The following TMEM132C variants were observed in gnomAD, a reference collection of about 807,000 sequenced individuals.
The protein encoded by TMEM132C is transmembrane protein 132C.
Under a neutral mutation model 61.4 loss-of-function variants are expected in TMEM132C, and 29 were observed. The ratio of observed to expected loss-of-function variants is 0.47; its 90% confidence interval spans 0.35 to 0.64. TMEM132C has a LOEUF of 0.64. Among genes scored for constraint, TMEM132C ranks in the 30% least tolerant of loss-of-function variants. The probability of loss-of-function intolerance (pLI) is 0.00; values close to 1 mark genes in which losing one functional copy is unlikely to be tolerated. For missense variants in TMEM132C, 1,408 were observed against 1,476.9 expected, an observed-to-expected ratio of 0.95 and a Z score of 0.76; for synonymous variants, 656 against 633.1, an observed-to-expected ratio of 1.04 and a Z score of -0.54.
chr12:128,374,360 T>C (rs1194561912), intron 1 of TMEM132C, among the ~76,000 whole-genome samples: 3 of 152,162 alleles, frequency 2.0e-5, no homozygotes, highest in African/African-American at 7.2e-5. Flanking sequence ...TTGCGCTTTG[T>C]TGTCTGGGCG....
At chr12:128,605,456 A>C (rs1721169159) in intron 3 of TMEM132C, among the ~76,000 whole-genome samples, 1 of 152,120 alleles carries the variant, frequency 6.6e-6, no homozygotes, top group Non-Finnish European at 1.5e-5. Context: ...CACTCAGCTG[A>C]GGTGTTAATT....
chr12:128,330,626 T>C (rs1008142518), intron 1 of TMEM132C, among the ~76,000 whole-genome samples: 1 of 152,250 alleles, frequency 6.6e-6, no homozygotes, highest in African/African-American at 2.4e-5. Context: ...ATTTTATAGA[T>C]CATCTTCTGA....
intron 2 of TMEM132C, among the ~76,000 whole-genome samples, chr12:128,540,620 T>C (rs1679519989): frequency 6.6e-6 from 1 of 152,124 alleles, no homozygotes; most frequent in Admixed American, 6.5e-5. Context: ...GTTGCTGCCC[T>C]CCCCTCCCTG....
rs72149112 is a variant in TMEM132C at position 128,271,267 on chromosome 12, TATAATAATAATAATA to T, written c.85+3806_85+3820del. Among the ~76,000 whole-genome samples the T allele has an allele frequency of 8.2e-3, 1,170 of 143,026 alleles. 10 individuals are homozygous for T. Among genetic ancestry groups the T allele is most frequent in the African/African-American group, 0.016 (609 of 39,282 alleles). 93.8% of individuals were successfully genotyped at this position (143,026 alleles called of 152,430 possible). On this transcript the variant is annotated intron_variant, in intron 1 of 8. Transcript: ENST00000435159. ...AGACTTGGTCTCAAAATAATAATAATATAATAATAATAATAATAATAATAATAATAATAATAATAA... is the reference window on the plus strand; with the variant it reads ...AGACTTGGTCTCAAAATAATAATAATATAATAATAATAATAATAATAATAA...
chr12:128,624,521 G>A (rs374859021), intron 4 of TMEM132C, among the ~76,000 whole-genome samples: 1 of 141,732 alleles, frequency 7.1e-6, no homozygotes, highest in African/African-American at 2.7e-5. Flanking sequence ...TCCAACCTGG[G>A]TGATAGAGTG....
At chr12:128,434,109 T>C (rs934368817) in intron 2 of TMEM132C, among the ~76,000 whole-genome samples, 1 of 152,152 alleles carries the variant, frequency 6.6e-6, no homozygotes, top group Non-Finnish European at 1.5e-5. Context: ...ATGTGGCTGC[T>C]CTCCTAGGGT....
At chr12:128,705,026 G>C in intron 8 of TMEM132C, 64 bp from the exon 9 acceptor site, 1 of 1,455,802 alleles carries the variant, frequency 6.9e-7, no homozygotes, top group Non-Finnish European at 9.1e-7. Context: ...CGTCCTCCTA[G>C]GAGGGGGTTT....
rs1227483814 is a variant in TMEM132C, at chr12:128,378,104, G to A, written c.86-36628G>A. Among the ~76,000 whole-genome samples the A allele has an allele frequency of 3.4e-5, 4 of 116,424 alleles. No individual in the cohort carries two copies. In the East Asian group the frequency reaches 7.0e-4, roughly 20 times the overall value. The allele number at this position is 116,424 out of a possible 152,430, so 76.4% of individuals were successfully genotyped here. ...AAGATCACTTGGAGGTGCAAAAATA[G>A]AGCAGTTTTTTTTTGTTTTTTTTTT... On this transcript the variant is annotated intron_variant, in intron 1 of 8. Transcript: ENST00000435159.
At chr12:128,617,618 A>ACAGGTGTGGAATCAGGTGGGG (rs1468223495) in intron 4 of TMEM132C, among the ~76,000 whole-genome samples, 1 of 151,642 alleles carries the variant, frequency 6.6e-6, no homozygotes, top group Admixed American at 6.6e-5. Context: ...GTCAGGTGGG[A>ACAGGTGTGGAATCAGGTGGGG]CAGGTGTGGA....
At chr12:128,660,783 G>A (rs145096646) in intron 4 of TMEM132C, among the ~76,000 whole-genome samples, 253 of 152,242 alleles carry the variant, frequency 1.7e-3, no homozygotes, top group Non-Finnish European at 2.7e-3. Context: ...CACGGCCACC[G>A]TGAGCCAGGC....
chr12:128,554,605 T>TTGCC (rs1874274327), intron 3 of TMEM132C, among the ~76,000 whole-genome samples: 1 of 152,204 alleles, frequency 6.6e-6, no homozygotes. Flanking sequence ...AGGAGGTTGA[T>TTGCC]TGCCTGTATT....
chr12:128,396,301 A>T (rs987567783), intron 1 of TMEM132C, among the ~76,000 whole-genome samples: 6 of 152,140 alleles, frequency 3.9e-5, no homozygotes, highest in Non-Finnish European at 5.9e-5. Flanking sequence ...AATAGTAAAA[A>T]AATAATAGGT....
intron 1 of TMEM132C, among the ~76,000 whole-genome samples, chr12:128,394,119 G>A (rs1238700681): frequency 6.6e-6 from 1 of 152,144 alleles, no homozygotes; most frequent in Non-Finnish European, 1.5e-5. Flanking sequence ...TGTCTTACAT[G>A]GCGGCAGACA....
chr12:128,381,032 G>C (rs771114692), intron 1 of TMEM132C, among the ~76,000 whole-genome samples: 1 of 152,148 alleles, frequency 6.6e-6, no homozygotes, highest in Non-Finnish European at 1.5e-5. Context: ...CCTACACTTA[G>C]GGGATGTTTG....
At chr12:128,334,599 C>CT (rs202233227) in intron 1 of TMEM132C, among the ~76,000 whole-genome samples, 7,891 of 143,304 alleles carry the variant, frequency 0.055, 316 homozygotes, top group African/African-American at 0.11. Flanking sequence ...TTTCACTTTC[C>CT]TTTTTTTTTT....
At chr12:128,704,286 T>C (rs1179694908) in intron 8 of TMEM132C, among the ~76,000 whole-genome samples, 1 of 152,184 alleles carries the variant, frequency 6.6e-6, no homozygotes, top group African/African-American at 2.4e-5. Context: ...CAAATAGTTT[T>C]TACATAGCTG....
intron 1 of TMEM132C, among the ~76,000 whole-genome samples, chr12:128,361,829 A>T (rs1435572746): frequency 6.6e-6 from 1 of 152,014 alleles, no homozygotes; most frequent in Non-Finnish European, 1.5e-5. Context: ...TCTTCTAAGG[A>T]TTTTCCTCAA....
intron 5 of TMEM132C, among the ~76,000 whole-genome samples, chr12:128,678,077 T>G (rs1194700247): frequency 6.6e-6 from 1 of 152,224 alleles, no homozygotes; most frequent in Non-Finnish European, 1.5e-5. Flanking sequence ...GCCCTAAGTT[T>G]TTAGGGTATC....
intron 2 of TMEM132C, among the ~76,000 whole-genome samples, chr12:128,543,563 A>C (rs548220873): frequency 8.2e-4 from 125 of 152,104 alleles, no homozygotes; most frequent in African/African-American, 2.4e-3. Context: ...AACACCCCCC[A>C]CACACACAGC....
Sources: gnomAD v4.1 joint callset for allele counts (sites outside exome capture counted in the v4.1 genomes callset) on GRCh38, gnomAD v4.1.1 for gene constraint, MANE v1.5 for transcripts, NCBI Gene and HGNC (gene_info 2026-07-23, HGNC 2026-07-21) for gene names.